Variants in SLC30A8 observed in about 807,000 individuals in gnomAD.
SLC30A8 encodes solute carrier family 30 member 8.
Under a neutral mutation model 36.9 loss-of-function variants are expected in SLC30A8, and 27 were observed. The observed-to-expected ratio is 0.73, with a 90% CI of 0.54 to 1.01. The LOEUF is 1.01. Ranked by LOEUF, SLC30A8 falls within the 50% of genes least tolerant of loss-of-function variation. The pLI, the probability that SLC30A8 is intolerant of heterozygous loss-of-function variation, is 0.00. For synonymous variants in SLC30A8, 164 were observed against 172.4 expected, an observed-to-expected ratio of 0.95 and a Z score of 0.38; for missense variants, 439 against 452.0, an observed-to-expected ratio of 0.97 and a Z score of 0.26.
chr8:117,005,739 A>C (rs888104902), intron 1 of SLC30A8, among the ~76,000 whole-genome samples: 13 of 152,172 alleles, frequency 8.5e-5, no homozygotes, highest in Non-Finnish European at 1.6e-4. Context: ...TACTTCTTCA[A>C]CTGCTCAGTT....
chr8:116,993,760 G>A (rs1308989574), intron 1 of SLC30A8, among the ~76,000 whole-genome samples: 1 of 151,898 alleles, frequency 6.6e-6, no homozygotes, highest in African/African-American at 2.4e-5. Context: ...TAGAAGACAA[G>A]ATTAGTAGCA....
At chr8:117,162,883 T>C (rs1280255366) in intron 5 of SLC30A8, among the ~76,000 whole-genome samples, 1 of 152,202 alleles carries the variant, frequency 6.6e-6, no homozygotes, top group Non-Finnish European at 1.5e-5. Flanking sequence ...GATACTTTGG[T>C]TCACACCTTT....
intron 1 of SLC30A8, among the ~76,000 whole-genome samples, chr8:116,966,894 A>T (rs1210752017): frequency 6.6e-6 from 1 of 152,220 alleles, no homozygotes; most frequent in Non-Finnish European, 1.5e-5. Flanking sequence ...TTTTCTAAAC[A>T]TGCATCTAAA....
chr8:117,066,678 C>A (rs1818180348), intron 2 of SLC30A8, among the ~76,000 whole-genome samples: 1 of 152,006 alleles, frequency 6.6e-6, no homozygotes. Context: ...TTAGGGAGAT[C>A]CAATCATCTC....
At chr8:117,149,296 G>A (rs1378527731) in intron 2 of SLC30A8, among the ~76,000 whole-genome samples, 1 of 152,158 alleles carries the variant, frequency 6.6e-6, no homozygotes, top group Non-Finnish European at 1.5e-5. Flanking sequence ...GGTGTGTTAT[G>A]TTAAGAGAAA....
rs555484215 is a variant in SLC30A8 at position 117,135,391 on chromosome 8, C to A, written c.64C>A (p.Leu22Ile). Residue 22 changes from leucine (L) to isoleucine (I), a missense_variant, in exon 1 of 8, where the codon CTA becomes ATA. Physicochemically the swap from Leu to Ile is conservative, Grantham distance 5. Coordinates refer to ENST00000456015, the MANE Select transcript of SLC30A8 (RefSeq NM_173851.3). The stretch of plus-strand genomic sequence containing the variant: ...AGCTGCCAAGATGTATGCTTTCACA[C>A]TAGAAAGGTAATAGATGTCTGTGTC... ...DKAAKMYAFT[L>I]ESVELQQKPV... is the part of the protein sequence containing the mutation. 12 of 1,594,862 alleles carry A rather than the reference C, an allele frequency of 7.5e-6. No individual in the cohort carries two copies. Among genetic ancestry groups the A allele is most frequent in the Non-Finnish European group, 1.0e-5 (12 of 1,168,362 alleles).
chr8:117,066,530 C>T (rs1442294116), intron 2 of SLC30A8, among the ~76,000 whole-genome samples: 1 of 152,124 alleles, frequency 6.6e-6, no homozygotes, highest in Non-Finnish European at 1.5e-5. Flanking sequence ...CCTGACCTCA[C>T]ACTCACTTCA....
upstream of SLC30A8, among the ~76,000 whole-genome samples, chr8:117,133,752 A>G (rs1050495471): frequency 6.6e-6 from 1 of 152,044 alleles, no homozygotes; most frequent in Non-Finnish European, 1.5e-5. Flanking sequence ...TTTCGCCTCC[A>G]CAGAATAACT....
At chr8:116,988,665 G>T (rs1160805426) in intron 1 of SLC30A8, among the ~76,000 whole-genome samples, 1 of 152,200 alleles carries the variant, frequency 6.6e-6, no homozygotes, top group Non-Finnish European at 1.5e-5. Context: ...AATTGTCAAA[G>T]ACCATGCTGG....
In SLC30A8 at chr8:116,977,219, G is replaced by A. The variant is rs191902447; in HGVS notation, c.-266+26100G>A. Among the ~76,000 whole-genome samples the A allele has an allele frequency of 2.3e-3, 277 of 120,594 alleles. 4 individuals carry two copies. The highest frequency in any genetic ancestry group is 8.2e-3 in the African/African-American group (256 of 31,140). The allele number at this position is 120,594 out of a possible 152,430, so 79.1% of individuals were successfully genotyped here. A position where few individuals can be genotyped will look rare whatever the true frequency, so the allele number is the denominator to read the frequency against. On this transcript the variant is annotated intron_variant, in intron 1 of 10. Transcript: ENST00000427715. ...GCTGGAGTGCAGTGGCACGATTTCC[G>A]TTCACTGCAAGCTCCGCCTCCTGGG...
At chr8:117,107,084 G>C (rs1028983722) in intron 2 of SLC30A8, among the ~76,000 whole-genome samples, 7 of 152,070 alleles carry the variant, frequency 4.6e-5, no homozygotes, top group African/African-American at 1.7e-4. Flanking sequence ...GTTTCTCACA[G>C]GACTATTGAT....
intron 1 of SLC30A8, among the ~76,000 whole-genome samples, chr8:116,953,494 C>T (rs540874327): frequency 1.8e-4 from 27 of 152,112 alleles, no homozygotes; most frequent in Non-Finnish European, 3.4e-4. Flanking sequence ...TTGATAATTA[C>T]ATTGCTTGTT....
At chr8:117,003,022 T>C (rs2130689136) in intron 1 of SLC30A8, among the ~76,000 whole-genome samples, 1 of 152,336 alleles carries the variant, frequency 6.6e-6, no homozygotes, top group East Asian at 1.9e-4. Flanking sequence ...AGAAGTATTC[T>C]GTGTCTATGA....
At chr8:116,980,539 G>C (rs538776849) in intron 1 of SLC30A8, among the ~76,000 whole-genome samples, 2 of 152,256 alleles carry the variant, frequency 1.3e-5, no homozygotes, top group African/African-American at 4.8e-5. Flanking sequence ...GCTGAGGTCT[G>C]GGGATATAAA....
intron 1 of SLC30A8, among the ~76,000 whole-genome samples, chr8:117,016,560 A>G (rs1282425099): frequency 1.3e-5 from 2 of 152,214 alleles, no homozygotes; most frequent in Non-Finnish European, 2.9e-5. Context: ...TTTAGTATCC[A>G]CTTTGGGTTC....
At chr8:117,172,515 C>T in intron 7 of SLC30A8, 21 bp from the exon 8 acceptor site, 2 of 1,613,494 alleles carry the variant, frequency 1.2e-6, no homozygotes, top group Non-Finnish European at 1.7e-6. Flanking sequence ...TGCTAATCTC[C>T]CTGTGCTTCT....
chr8:117,015,293 A>G (rs943159883), intron 1 of SLC30A8, among the ~76,000 whole-genome samples: 1 of 152,198 alleles, frequency 6.6e-6, no homozygotes, highest in Non-Finnish European at 1.5e-5. Flanking sequence ...CAGTCACCTT[A>G]CAATGAAACT....
chr8:116,989,662 T>A (rs1436366152), intron 1 of SLC30A8, among the ~76,000 whole-genome samples: 1 of 152,182 alleles, frequency 6.6e-6, no homozygotes, highest in Non-Finnish European at 1.5e-5. Context: ...ATGGTGAATG[T>A]GGATATATCA....
intron 2 of SLC30A8, among the ~76,000 whole-genome samples, chr8:117,087,189 G>C (rs1254593214): frequency 6.6e-6 from 1 of 152,160 alleles, no homozygotes; most frequent in Non-Finnish European, 1.5e-5. Flanking sequence ...TGGGATCTAA[G>C]AAGCTGTGCT....
Sources: gnomAD v4.1 joint callset for allele counts (sites outside exome capture counted in the v4.1 genomes callset) on GRCh38, gnomAD v4.1.1 for gene constraint, MANE v1.5 for transcripts, NCBI Gene and HGNC (gene_info 2026-07-23, HGNC 2026-07-21) for gene names.